PATZ1: variants seen among roughly 807,000 people sequenced by gnomAD.
The protein encoded by PATZ1 is POZ-, AT hook-, and zinc finger-containing protein 1.
In PATZ1, 9 loss-of-function variants were observed where a neutral mutation model predicts 46.2. The observed-to-expected ratio is 0.19, with a 90% CI of 0.12 to 0.34. The LOEUF (loss-of-function observed/expected upper bound fraction) is 0.34. Among genes scored for constraint, PATZ1 ranks in the 10% least tolerant of loss-of-function variants. The probability of loss-of-function intolerance (pLI) is 1.00; values close to 1 mark genes in which losing one functional copy is unlikely to be tolerated. For synonymous variants in PATZ1, 426 were observed against 378.6 expected (o/e 1.13, Z -1.45); for missense variants, 632 against 923.0 (o/e 0.68, Z 4.08).
intron 2 of PATZ1, among the ~76,000 whole-genome samples, chr22:31,338,289 G>A (rs977910651): frequency 6.6e-6 from 1 of 152,220 alleles, no homozygotes; most frequent in African/African-American, 2.4e-5. Context: ...ACCAGTCCCA[G>A]AGCCTGTGCT....
chr22:31,326,885 G>A lies in PATZ1; in HGVS notation c.*6C>T. On this transcript the variant is annotated 3_prime_UTR_variant, in exon 5 of 5. Transcript: ENST00000266269. ...TGGTTGTTTCCGTGGGGACACAGCAGCTGCCTCATTTCCCTTCAGGCCCCA... is the reference window on the plus strand; with the variant it reads ...TGGTTGTTTCCGTGGGGACACAGCAACTGCCTCATTTCCCTTCAGGCCCCA... 6.2e-7 allele frequency: 1 copy of A among 1,606,326 alleles called. No homozygotes were observed. Among genetic ancestry groups the A allele is most frequent in the Non-Finnish European group, 8.5e-7 (1 of 1,175,248 alleles).
At chr22:31,343,018 G>T in intron 1 of PATZ1, 58 bp from the exon 2 acceptor site, 1 of 1,610,988 alleles carries the variant, frequency 6.2e-7, no homozygotes, top group South Asian at 1.1e-5. Flanking sequence ...CACCACACAG[G>T]CACATATGCA....
chr22:31,344,553 C>G lies in PATZ1; in HGVS notation c.1050G>C (p.Arg350=), dbSNP rs1403437449. 39 of 1,614,080 alleles carry G rather than the reference C, an allele frequency of 2.4e-5. 1 individual carries two copies. Among genetic ancestry groups the G allele is most frequent in the Non-Finnish European group, 3.3e-5 (39 of 1,180,032 alleles). Residue 350 remains arginine, a synonymous_variant, in exon 1 of 5, where the codon CGG becomes CGC. Transcript: ENST00000266269. ...EDPDGPRKRS[R]TRKQVACEIC... ...TCTCACAAGCCACCTGCTTCCTGGT[C>G]CGGCTCCTCTTTCGGGGGCCGTCGG...
Position 31,327,278 on chromosome 22 carries a change from A to G in PATZ1, c.1677T>C (p.Ile559=). ...EGQKCSHQDP[I]ESSDSYGDLS... ...GGTCACCATAGGAGTCAGAGCTCTC[A>G]ATCGGATCCTGATGTGAGCATTTCT... The change falls in exon 5 of 5, where the codon ATT becomes ATC. Residue 559 remains isoleucine, a synonymous_variant. Transcript: ENST00000266269. This position sits in a 1 kb window ranked among gnomAD's most constrained non-coding sequence, Gnocchi z 4.2. 2.5e-6 allele frequency: 4 copies of G among 1,614,124 alleles called. No homozygotes were observed. Among genetic ancestry groups the G allele is most frequent in the Non-Finnish European group, 3.4e-6 (4 of 1,179,990 alleles).
Position 31,344,692 on chromosome 22 carries a change from G to T in PATZ1, c.911C>A (p.Ala304Asp), listed in dbSNP as rs1350350178. ...GGCCTCGTGCTGCCGGAGCCGGTTG[G>T]CATCAGTGAACACCTTACCACATAG... ...CGLCGKVFTD[A>D]NRLRQHEAQH... Residue 304 changes from alanine (A) to aspartate (D), a missense_variant, in exon 1 of 5, where the codon GCC becomes GAC. Ala to Asp is a moderately radical substitution (Grantham distance 126). Coordinates refer to ENST00000266269, the MANE Select transcript of PATZ1 (RefSeq NM_014323.3). 1.9e-6 allele frequency: 3 copies of T among 1,613,688 alleles called. No homozygotes were observed. Among genetic ancestry groups the T allele is most frequent in the African/African-American group, 1.3e-5 (1 of 74,940 alleles).
Position 31,344,480 on chromosome 22 carries a change from G to C in PATZ1, c.1123C>G (p.Leu375Val), listed in dbSNP as rs762958946. Reference sequence around the variant, plus strand: ...TAGGGCTTCTCCCCAGAGTGGGACAGCTTGTGCCGGTTAAGATGATACACA... The same window carrying C: ...TAGGGCTTCTCCCCAGAGTGGGACACCTTGTGCCGGTTAAGATGATACACA... The part of the protein sequence containing the change: ...RDVYHLNRHK[L>V]SHSGEKPYSC... The change falls in exon 1 of 5, where the codon CTG becomes GTG. Residue 375 changes from leucine to valine, a missense_variant. Physicochemically the swap from Leu to Val is conservative, Grantham distance 32. Coordinates refer to ENST00000266269, the MANE Select transcript of PATZ1 (RefSeq NM_014323.3). 1 of 1,614,236 alleles carries C rather than the reference G, an allele frequency of 6.2e-7. No homozygotes were observed. Among genetic ancestry groups the C allele is most frequent in the Admixed American group, 1.7e-5 (1 of 60,038 alleles).
intron 2 of PATZ1, among the ~76,000 whole-genome samples, chr22:31,338,912 G>C (rs545266447): frequency 5.3e-5 from 8 of 152,304 alleles, no homozygotes; most frequent in Admixed American, 5.2e-4. Flanking sequence ...AGCTGGGCAT[G>C]GTGGTGGGCG....
At chr22:31,335,603 G>T in intron 3 of PATZ1, 89 bp downstream of exon 3, 1 of 1,275,456 alleles carries the variant, frequency 7.8e-7, no homozygotes, top group Non-Finnish European at 1.1e-6. Flanking sequence ...AAAGAGTGGA[G>T]TCTGAGGCAG....
At position 31,327,260 on chromosome 22, in the gene PATZ1, A is replaced by G. The variant is rs1208260771; in HGVS notation, c.1695T>C (p.Tyr565=). ...HQDPIESSDS[Y]GDLSDASDLK... ...GGTCGCTGGCATCTGAGAGGTCACC[A>G]TAGGAGTCAGAGCTCTCAATCGGAT... Residue 565 remains tyrosine (Y), a synonymous_variant, in exon 5 of 5, where the codon TAT becomes TAC. Coordinates refer to ENST00000266269, the MANE Select transcript of PATZ1 (RefSeq NM_014323.3). This position sits in a 1 kb window ranked among gnomAD's most constrained non-coding sequence, Gnocchi z 4.2. 4.1e-5 allele frequency: 66 copies of G among 1,614,084 alleles called. No individual in the cohort carries two copies. Among genetic ancestry groups the G allele is most frequent in the Non-Finnish European group, 5.2e-5 (61 of 1,180,044 alleles).
rs776099266 is a variant in PATZ1, at chr22:31,344,944, A to G, written c.659T>C (p.Ile220Thr). 2 of 1,613,702 alleles carry G rather than the reference A, an allele frequency of 1.2e-6. No individual in the cohort carries two copies. Among genetic ancestry groups the G allele is most frequent in the Admixed American group, 1.7e-5 (1 of 60,034 alleles). Residue 220 changes from isoleucine to threonine, a missense_variant, in exon 1 of 5, where the codon ATT (isoleucine) becomes ACT (threonine). Coordinates refer to ENST00000266269, the MANE Select transcript of PATZ1 (RefSeq NM_014323.3). ...CACAGGCAAAGAGGCTTGGCCTGCAATGGCTGCACCAGCCGCCCGAGCTGC... is the reference window on the plus strand; with the variant it reads ...CACAGGCAAAGAGGCTTGGCCTGCAGTGGCTGCACCAGCCGCCCGAGCTGC... The part of the protein sequence containing the change: ...EEAARAAGAA[I>T]AGQASLPVLP...
At chr22:31,330,643 C>T (rs1193635004) in intron 3 of PATZ1, among the ~76,000 whole-genome samples, 1 of 152,196 alleles carries the variant, frequency 6.6e-6, no homozygotes, top group Non-Finnish European at 1.5e-5. Context: ...CCACTTATGC[C>T]TCATGTTCCA....
Position 31,344,258 on chromosome 22 carries a change from C to T in PATZ1, c.1271+74G>A, listed in dbSNP as rs537302551. ...AAATGACCCCCACAAATCCCACACC[C>T]CCAGATCTTGGCAGGAGCCTTTTCA... On this transcript the variant is annotated intron_variant, in intron 1 of 4. Transcript: ENST00000266269. 1.7e-3 allele frequency: 2,288 copies of T among 1,367,806 alleles called. 4 individuals carry two copies. The highest frequency in any genetic ancestry group is 2.3e-3 in the South Asian group (169 of 72,870). 84.7% of individuals were successfully genotyped at this position (1,367,806 alleles called of 1,614,324 possible). A position where few individuals can be genotyped will look rare whatever the true frequency, so the allele number is the denominator to read the frequency against.
chr22:31,345,755 C>G lies in PATZ1; in HGVS notation c.-153G>C. On this transcript the variant is annotated 5_prime_UTR_variant, in exon 1 of 5. Transcript: ENST00000266269. This position sits in a 1 kb window ranked among gnomAD's most constrained non-coding sequence, Gnocchi z 7.4. ...GTCTCGCAGGTGCGCCGAGTGTACA[C>G]GCCCCCAGCCCGGATCAGACTGTCT... 1.4e-6 allele frequency: 1 copy of G among 734,874 alleles called. No homozygotes were observed. The highest frequency in any genetic ancestry group is 2.8e-5 in the East Asian group (1 of 35,494). 45.5% of individuals were successfully genotyped at this position (734,874 alleles called of 1,614,324 possible).
At chr22:31,343,051 C>T in intron 1 of PATZ1, 91 bp from the exon 2 acceptor site, 3 of 1,581,074 alleles carry the variant, frequency 1.9e-6, no homozygotes, top group Non-Finnish European at 2.6e-6. Context: ...CACACACACA[C>T]ACTCACTGCT....
chr22:31,336,805 C>CA (rs747328196), intron 2 of PATZ1, among the ~76,000 whole-genome samples: 1,555 of 64,368 alleles, frequency 0.024, 58 homozygotes, highest in African/African-American at 0.065. Context: ...GACTTCCTCT[C>CA]AAAAAAAAAA....
chr22:31,339,009 A>G (rs368499901), intron 2 of PATZ1, among the ~76,000 whole-genome samples: 2 of 152,226 alleles, frequency 1.3e-5, no homozygotes, highest in African/African-American at 4.8e-5. Flanking sequence ...CAAGAGGGAT[A>G]GGAAAGAGAT....
intron 3 of PATZ1, among the ~76,000 whole-genome samples, chr22:31,332,242 A>G (rs568717839): frequency 2.0e-5 from 3 of 152,300 alleles, no homozygotes; most frequent in African/African-American, 4.8e-5. Context: ...GCTGCCACTT[A>G]AAGCCTAGAA....
rs1225120226 is a variant in PATZ1, at chr22:31,345,357, C to A, written c.246G>T (p.Gly82=). The A allele has an allele frequency of 1.2e-6, 2 of 1,607,064 alleles. No individual in the cohort carries two copies. Among genetic ancestry groups the A allele is most frequent in the African/African-American group, 1.3e-5 (1 of 74,788 alleles). The change falls in exon 1 of 5, where the codon GGG becomes GGT. Residue 82 remains glycine (G), a synonymous_variant. Transcript: ENST00000266269. This position sits in a 1 kb window ranked among gnomAD's most constrained non-coding sequence, Gnocchi z 7.4. ...AQLGDGGAAD[G]GPADVGGATA... ...TCGCGCCCCCTACATCAGCCGGACC[C>A]CCGTCCGCAGCTCCGCCGTCGCCCA...
intron 3 of PATZ1, 188 bp downstream of exon 3, chr22:31,335,504 C>T: frequency 3.4e-6 from 2 of 582,380 alleles, no homozygotes; most frequent in Non-Finnish European, 6.0e-6. Context: ...TCTAAGCACC[C>T]CAAGCTTCTT....
Sources: gnomAD v4.1 joint callset for allele counts (sites outside exome capture counted in the v4.1 genomes callset) on GRCh38, gnomAD v4.1.1 for gene constraint, Gnocchi (gnomAD v3.1) non-coding constraint, MANE v1.5 for transcripts, NCBI Gene and HGNC (gene_info 2026-07-23, HGNC 2026-07-21) for gene names.